Variants in SUPT5H observed in about 807,000 individuals in gnomAD.
The protein encoded by SUPT5H is transcription elongation factor SPT5.
Under a neutral mutation model 142.5 loss-of-function variants are expected in SUPT5H, and 24 were observed. The ratio of observed to expected loss-of-function variants is 0.17; its 90% CI spans 0.12 to 0.24. The LOEUF is 0.24. Among genes scored for constraint, SUPT5H ranks in the 10% least tolerant of loss-of-function variants. SUPT5H has a pLI of 1.00. For synonymous variants in SUPT5H, 546 were observed against 553.0 expected, an observed-to-expected ratio of 0.99 and a Z score of 0.18; for missense variants, 893 against 1,471.8, an observed-to-expected ratio of 0.61 and a Z score of 6.43.
Position 39,464,876 on chromosome 19 carries a change from G to A in SUPT5H, c.703G>A (p.Val235Met), listed in dbSNP as rs1316671406. The A allele has an allele frequency of 3.1e-6, 5 of 1,614,224 alleles. No individual in the cohort carries two copies. The highest frequency in any genetic ancestry group is 3.4e-6 in the Non-Finnish European group (4 of 1,180,040). ...IYVEAYKQTHVKQAIEGVGNL... is the reference protein window; with the variant it reads ...IYVEAYKQTHMKQAIEGVGNL... ...CGTGGAGGCCTACAAGCAGACCCACGTGAAGCAGGCCATTGAGGGGGTGGG... is the reference window on the plus strand; with the variant it reads ...CGTGGAGGCCTACAAGCAGACCCACATGAAGCAGGCCATTGAGGGGGTGGG... The change falls in exon 11 of 30, where the codon GTG becomes ATG. Residue 235 changes from valine to methionine, a missense_variant. Coordinates refer to ENST00000432763, the MANE Select transcript of SUPT5H (RefSeq NM_001111020.3).
At position 39,473,167 on chromosome 19, in the gene SUPT5H, G is replaced by A; in HGVS notation, c.2259-36G>A. ...GGTGGGGCTTGCTAGGCAGTGAGAG[G>A]GGTCTGCTCACCCCATTTGTTCTCT... On this transcript the variant is annotated intron_variant, in intron 23 of 29. Transcript: ENST00000432763. This position sits in a 1 kb window ranked among gnomAD's most constrained non-coding sequence, Gnocchi z 5.8. 6.2e-7 allele frequency: 1 copy of A among 1,610,652 alleles called. No homozygotes were observed. Among genetic ancestry groups the A allele is most frequent in the Non-Finnish European group, 8.5e-7 (1 of 1,179,528 alleles).
Position 39,470,044 on chromosome 19 carries a change from C to T in SUPT5H, c.1375-75C>T, listed in dbSNP as rs966129095. On this transcript the variant is annotated intron_variant, in intron 16 of 29. Coordinates refer to ENST00000432763, the MANE Select transcript of SUPT5H (RefSeq NM_001111020.3). This position sits in a 1 kb window ranked among gnomAD's most constrained non-coding sequence, Gnocchi z 5.8. ...GGGTTTTTGAGAACATGCGTAGATT[C>T]TGAAGACAGGAGGGGCAGGCAGGTT... 6 of 1,554,950 alleles carry T rather than the reference C, an allele frequency of 3.9e-6. No homozygotes were observed. Among genetic ancestry groups the T allele is most frequent in the Middle Eastern group, 1.7e-4 (1 of 5,804 alleles).
At position 39,472,323 on chromosome 19, in the gene SUPT5H, G is replaced by A; in HGVS notation, c.1951-86G>A. 1 of 1,355,772 alleles carries A rather than the reference G, an allele frequency of 7.4e-7. No homozygotes were observed. The highest frequency in any genetic ancestry group is 1.0e-6 in the Non-Finnish European group (1 of 952,850). The allele number at this position is 1,355,772 out of a possible 1,614,324, so 84.0% of individuals were successfully genotyped here. On this transcript the variant is annotated intron_variant, in intron 20 of 29. Coordinates refer to ENST00000432763, the MANE Select transcript of SUPT5H (RefSeq NM_001111020.3). The surrounding 1 kb of genome is among the most constrained non-coding windows in gnomAD (Gnocchi z 4.2). ...TGTGGGTGGCTGGGTGGTCTCCTCAGGGCCCTGCACGTGGGATGATGAGTT... is the reference window on the plus strand; with the variant it reads ...TGTGGGTGGCTGGGTGGTCTCCTCAAGGCCCTGCACGTGGGATGATGAGTT...
chr19:39,451,527 C>T (rs1232109114), intron 2 of SUPT5H, among the ~76,000 whole-genome samples: 1 of 151,874 alleles, frequency 6.6e-6, no homozygotes, highest in Non-Finnish European at 1.5e-5. Flanking sequence ...TTTCAGATTT[C>T]AGTTTTTTGT....
intron 4 of SUPT5H, 21 bp downstream of exon 4, chr19:39,457,761 C>T (rs773203807): frequency 6.2e-7 from 1 of 1,614,044 alleles, no homozygotes; most frequent in Non-Finnish European, 8.5e-7. Flanking sequence ...GCCCTGCCTC[C>T]ACAAGACTAC....
intron 13 of SUPT5H, chr19:39,467,750 C>T (rs1216543180): frequency 6.6e-6 from 1 of 152,200 alleles, no homozygotes; most frequent in African/African-American, 2.4e-5. Context: ...ACACTCTTCC[C>T]TCTGGTCCTG....
At chr19:39,464,165 A>G (rs934341954) in intron 10 of SUPT5H, among the ~76,000 whole-genome samples, 4 of 151,574 alleles carry the variant, frequency 2.6e-5, no homozygotes, top group African/African-American at 9.7e-5. Context: ...GGATATTTTT[A>G]GTAGAGACAG....
At chr19:39,460,106 C>T in intron 10 of SUPT5H, 146 bp downstream of exon 10, 2 of 752,416 alleles carry the variant, frequency 2.7e-6, no homozygotes, top group Non-Finnish European at 2.3e-6. Context: ...AAGACCACTG[C>T]CTAGATGGAA....
rs777840770 is a variant in SUPT5H at position 39,466,536 on chromosome 19, C to T, written c.933C>T (p.Ile311=). The T allele has an allele frequency of 9.9e-6, 16 of 1,614,126 alleles. No homozygotes were observed. In the East Asian group the frequency reaches 1.3e-4, roughly 13 times the overall value. The part of the protein sequence containing the change: ...NTISLKMIPR[I]DYDRIKARMS... ...TCTCCCTGAAGATGATCCCACGCAT[C>T]GACTACGATCGCATCAAGGCCCGCA... The change falls in exon 12 of 30, where the codon ATC becomes ATT. Residue 311 remains isoleucine, a synonymous_variant. Coordinates refer to ENST00000432763, the MANE Select transcript of SUPT5H (RefSeq NM_001111020.3). The surrounding 1 kb of genome is among the most constrained non-coding windows in gnomAD (Gnocchi z 4.3).
chr19:39,471,886 A>G, intron 20 of SUPT5H, 156 bp downstream of exon 20: 1 of 1,101,870 alleles, frequency 9.1e-7, no homozygotes, highest in Non-Finnish European at 1.3e-6. Flanking sequence ...TTTATTTGGG[A>G]TTCTGAGCTG....
In SUPT5H at chr19:39,476,389, T is replaced by A; in HGVS notation, c.3254T>A (p.Leu1085Gln). The A allele has an allele frequency of 6.2e-7, 1 of 1,614,110 alleles. No homozygotes were observed. Among genetic ancestry groups the A allele is most frequent in the East Asian group, 2.2e-5 (1 of 44,892 alleles). ...ILNLRFLGKL[L>Q]EA ...AACCTCCGCTTCCTGGGGAAGCTCC[T>A]GGAAGCCTGAAGCAGGCAGGGCCGG... The change falls in exon 30 of 30, where the codon CTG (leucine) becomes CAG (glutamine). Residue 1085 changes from leucine to glutamine, a missense_variant. By Grantham distance (113) the Leu-to-Gln change is moderately radical. Coordinates refer to ENST00000432763, the MANE Select transcript of SUPT5H (RefSeq NM_001111020.3).
intron 3 of SUPT5H, among the ~76,000 whole-genome samples, chr19:39,454,704 C>G (rs1366687490): frequency 1.3e-5 from 2 of 152,088 alleles, no homozygotes; most frequent in Non-Finnish European, 2.9e-5. Context: ...AAAGATAAGA[C>G]TAGTTCATAC....
At position 39,473,544 on chromosome 19, in the gene SUPT5H, T is replaced by TCTGGTGTGTG; in HGVS notation, c.2492+34_2492+43dup. On this transcript the variant is annotated intron_variant, in intron 25 of 29. Transcript: ENST00000432763. This position sits in a 1 kb window ranked among gnomAD's most constrained non-coding sequence, Gnocchi z 5.8. Reference sequence around the variant, plus strand: ...ACGGTGAGTCCAGGGTTCCCCAGGTTCTGGTGTGTGCTGGTGTGTGTGAGG... The same window carrying TCTGGTGTGTG: ...ACGGTGAGTCCAGGGTTCCCCAGGTTCTGGTGTGTGCTGGTGTGTGCTGGTGTGTGTGAGG... 6.2e-7 allele frequency: 1 copy of TCTGGTGTGTG among 1,602,230 alleles called. No individual in the cohort carries two copies. Among genetic ancestry groups the TCTGGTGTGTG allele is most frequent in the Non-Finnish European group, 8.5e-7 (1 of 1,177,770 alleles).
At chr19:39,460,723 ATT>A (rs2079150200) in intron 10 of SUPT5H, among the ~76,000 whole-genome samples, 1 of 152,014 alleles carries the variant, frequency 6.6e-6, no homozygotes, top group East Asian at 1.9e-4. Context: ...AAAAAAAAGG[ATT>A]AGGTGGCTTT....
intron 2 of SUPT5H, among the ~76,000 whole-genome samples, chr19:39,449,939 CTTT>C (rs57757348): frequency 3.6e-4 from 47 of 130,626 alleles, no homozygotes; most frequent in Non-Finnish European, 4.4e-4. Context: ...CACGCTAAGC[CTTT>C]TTTTTTTTTT....
Position 39,458,906 on chromosome 19 carries a change from C to T in SUPT5H, c.389+19C>T, listed in dbSNP as rs765816664. 9.3e-6 allele frequency: 15 copies of T among 1,613,512 alleles called. No homozygotes were observed. In the African/African-American group the frequency reaches 1.1e-4, roughly 11 times the overall value. On this transcript the variant is annotated intron_variant, in intron 6 of 29. Coordinates refer to ENST00000432763, the MANE Select transcript of SUPT5H (RefSeq NM_001111020.3). This position sits in a 1 kb window ranked among gnomAD's most constrained non-coding sequence, Gnocchi z 4.2. ...TCTGGAGGTGGGCAAGGAAGGGAAA[C>T]GTGGTGGGATTGGCTCCTGTGGGGA...
chr19:39,468,495 G>A, intron 13 of SUPT5H: 1 of 524,568 alleles, frequency 1.9e-6, no homozygotes, highest in Non-Finnish European at 3.4e-6. Context: ...CTAGTTAGGG[G>A]GACAGGTCAA....
In SUPT5H at chr19:39,472,152, T is replaced by A. The variant is rs2079329664; in HGVS notation, c.1951-257T>A. ...TAGACAGAGGAGGGTAAAAAAGGCCTCAGTGGGAGGCAGTATTGGAGCAGA... is the reference window on the plus strand; with the variant it reads ...TAGACAGAGGAGGGTAAAAAAGGCCACAGTGGGAGGCAGTATTGGAGCAGA... On this transcript the variant is annotated intron_variant, in intron 20 of 29. Coordinates refer to ENST00000432763, the MANE Select transcript of SUPT5H (RefSeq NM_001111020.3). This position sits in a 1 kb window ranked among gnomAD's most constrained non-coding sequence, Gnocchi z 4.2. Among the ~76,000 whole-genome samples the A allele has an allele frequency of 6.6e-6, 1 of 152,060 alleles. No individual in the cohort carries two copies. Among genetic ancestry groups the A allele is most frequent in the African/African-American group, 2.4e-5 (1 of 41,392 alleles).
At position 39,466,392 on chromosome 19, in the gene SUPT5H, TCTC is replaced by T. The variant is rs1300964525; in HGVS notation, c.877-85_877-83del. ...TTCTTCCCCACCATCCTGCGTCCCT[TCTC>T]CTTCCTAGCATCTCCTGACCCTTCT... On this transcript the variant is annotated intron_variant, in intron 11 of 29. Coordinates refer to ENST00000432763, the MANE Select transcript of SUPT5H (RefSeq NM_001111020.3). This position sits in a 1 kb window ranked among gnomAD's most constrained non-coding sequence, Gnocchi z 4.3. The T allele has an allele frequency of 3.9e-6, 5 of 1,288,450 alleles. No homozygotes were observed. The Admixed American group carries it at 7.0e-5, about 18-fold the overall frequency. The allele number at this position is 1,288,450 out of a possible 1,614,324, so 79.8% of individuals were successfully genotyped here.
Sources: gnomAD v4.1 joint callset for allele counts (sites outside exome capture counted in the v4.1 genomes callset) on GRCh38, gnomAD v4.1.1 for gene constraint, Gnocchi (gnomAD v3.1) non-coding constraint, MANE v1.5 for transcripts, NCBI Gene and HGNC (gene_info 2026-07-23, HGNC 2026-07-21) for gene names.